Variants in RELL1 observed in about 807,000 individuals in gnomAD.
The protein encoded by RELL1 is RELT-like protein 1.
A neutral mutation model predicts 23.0 loss-of-function variants in RELL1; 10 were observed. The observed-to-expected ratio is 0.43, with a 90% confidence interval of 0.27 to 0.74. RELL1 has a LOEUF of 0.74. Ranked by LOEUF, RELL1 falls within the 30% of genes least tolerant of loss-of-function variation. The pLI is 0.19. For synonymous variants in RELL1, 146 were observed against 146.8 expected (o/e 0.99, Z 0.04); for missense variants, 315 against 364.4 (o/e 0.86, Z 1.10).
intron 6 of RELL1, among the ~76,000 whole-genome samples, chr4:37,593,995 T>A (rs970621338): frequency 1.3e-5 from 2 of 152,216 alleles, no homozygotes; most frequent in Non-Finnish European, 2.9e-5. Flanking sequence ...CATTTATATA[T>A]GTATATAATT....
At chr4:37,680,139 A>C (rs1262050118) in intron 1 of RELL1, among the ~76,000 whole-genome samples, 1 of 152,240 alleles carries the variant, frequency 6.6e-6, no homozygotes, top group African/African-American at 2.4e-5. Context: ...GTTACCAACC[A>C]TGTACAAATT....
At chr4:37,638,593 T>G (rs781128253) in intron 3 of RELL1, 89 bp from the exon 4 acceptor site, 11 of 989,834 alleles carry the variant, frequency 1.1e-5, no homozygotes, top group Non-Finnish European at 1.7e-5. Context: ...CACATCTAAT[T>G]CCATTCTTTC....
exon 7 of RELL1, chr4:37,590,848 C>A (rs772385827): frequency 1.2e-6 from 2 of 1,614,184 alleles, no homozygotes; most frequent in East Asian, 2.2e-5. Flanking sequence ...TCATGCCATG[C>A]CTGTGGTTGA....
In RELL1 at chr4:37,612,373, C is replaced by T. The variant is rs530631214; in HGVS notation, c.*973G>A. On this transcript the variant is annotated 3_prime_UTR_variant, in exon 7 of 7. Coordinates refer to ENST00000454158, the MANE Select transcript of RELL1 (RefSeq NM_001085400.2). ...ACAAAAAACCGGGTGCAGTGGCCCA[C>T]GCCTATATTCCCAGCACTTTGGGAG... is the stretch of plus-strand genomic sequence containing the variant. Among the ~76,000 whole-genome samples the T allele has an allele frequency of 1.9e-4, 29 of 148,908 alleles. No homozygotes were observed. Among genetic ancestry groups the T allele is most frequent in the African/African-American group, 6.4e-4 (26 of 40,444 alleles).
chr4:37,660,753 C>A (rs752942399), intron 1 of RELL1, among the ~76,000 whole-genome samples: 2 of 152,100 alleles, frequency 1.3e-5, no homozygotes, highest in East Asian at 1.9e-4. Context: ...GTTAAGAGGC[C>A]GGGCGCGGTG....
chr4:37,590,344 G>C, downstream of RELL1: 1 of 1,613,696 alleles, frequency 6.2e-7, no homozygotes, highest in Non-Finnish European at 8.5e-7. Context: ...CCATGCCTGC[G>C]GTGTCAACGG....
At chr4:37,669,591 G>A (rs1158649822) in intron 1 of RELL1, among the ~76,000 whole-genome samples, 3 of 152,284 alleles carry the variant, frequency 2.0e-5, no homozygotes, top group South Asian at 2.1e-4. Flanking sequence ...GGAATAGAAA[G>A]GGGGGAAAGG....
chr4:37,628,270 A>G (rs1720017515), intron 6 of RELL1, among the ~76,000 whole-genome samples: 1 of 152,170 alleles, frequency 6.6e-6, no homozygotes, highest in African/African-American at 2.4e-5. Flanking sequence ...CCCAGGTTCA[A>G]GTCTAACTCT....
chr4:37,605,827 GAAAGAAAGAAAGAAAGAAGGA>G (rs1282860670), downstream of RELL1, among the ~76,000 whole-genome samples: 26 of 109,870 alleles, frequency 2.4e-4, 1 homozygote, highest in Non-Finnish European at 4.8e-4. Context: ...AAGAAAGAAA[GAAAGAAAGAAAGAAAGAAGGA>G]AAAGAAAAGA....
chr4:37,619,817 C>T (rs1348604836), intron 6 of RELL1, among the ~76,000 whole-genome samples: 1 of 152,048 alleles, frequency 6.6e-6, no homozygotes, highest in African/African-American at 2.4e-5. Context: ...GCCATCCTCC[C>T]ACCTCAGCCT....
chr4:37,640,155 C>T (rs1016673948), intron 3 of RELL1, among the ~76,000 whole-genome samples: 4 of 152,090 alleles, frequency 2.6e-5, no homozygotes, highest in African/African-American at 9.7e-5. Flanking sequence ...TGGGTTTTTG[C>T]TTTTTTCTTT....
At chr4:37,660,911 G>C (rs1307743106) in intron 1 of RELL1, among the ~76,000 whole-genome samples, 1 of 151,956 alleles carries the variant, frequency 6.6e-6, no homozygotes, top group East Asian at 2.0e-4. Flanking sequence ...GGCGCCTGTT[G>C]TCCCAGCTAC....
chr4:37,677,921 G>A lies in RELL1; in HGVS notation c.88+8279C>T, dbSNP rs141068561. 1.1e-3 allele frequency among the ~76,000 whole-genome samples: 174 copies of A among 151,822 alleles called. 2 individuals are homozygous for A. The East Asian group carries it at 0.026, about 23-fold the overall frequency. ...CAGGAGGCAGAGGTTGCAGTGAGCC[G>A]AGATCACACCATTGCACTCCAGCAG... On this transcript the variant is annotated intron_variant, in intron 1 of 6. Transcript: ENST00000454158.
At chr4:37,610,410 AG>A (rs1380335235), downstream of RELL1, among the ~76,000 whole-genome samples, 1 of 152,178 alleles carries the variant, frequency 6.6e-6, no homozygotes, top group Non-Finnish European at 1.5e-5. The surrounding 1 kb of genome is among the most constrained non-coding windows in gnomAD (Gnocchi z 4.1). Context: ...TTACTGCAGT[AG>A]GCCGGGGCTG....
chr4:37,621,013 C>G (rs893115950), intron 6 of RELL1, among the ~76,000 whole-genome samples: 21 of 152,192 alleles, frequency 1.4e-4, no homozygotes, highest in African/African-American at 5.1e-4. Context: ...TAAAAAGTGA[C>G]AGCCAAGATC....
At chr4:37,632,017 T>G (rs897069136) in intron 5 of RELL1, among the ~76,000 whole-genome samples, 4 of 128,766 alleles carry the variant, frequency 3.1e-5, no homozygotes, top group Non-Finnish European at 6.2e-5. Context: ...AGCTGGAGGT[T>G]GCAGTGAGCC....
At chr4:37,598,840 AT>A in intron 6 of RELL1, among the ~76,000 whole-genome samples, 2 of 152,076 alleles carry the variant, frequency 1.3e-5, no homozygotes, top group African/African-American at 4.8e-5. Flanking sequence ...GTGCACCACC[AT>A]GCCCAGCTAG....
At chr4:37,680,724 C>T (rs921903324) in intron 1 of RELL1, among the ~76,000 whole-genome samples, 20 of 151,876 alleles carry the variant, frequency 1.3e-4, no homozygotes, top group African/African-American at 4.6e-4. Context: ...GTCAGAAGAT[C>T]GAGACCATCC....
At position 37,634,913 on chromosome 4, in the gene RELL1, G is replaced by A. The variant is rs139390358; in HGVS notation, c.654C>T (p.Gly218=). The change falls in exon 5 of 7, where the codon GGC becomes GGT. Residue 218 remains glycine, a synonymous_variant. Coordinates refer to ENST00000454158, the MANE Select transcript of RELL1 (RefSeq NM_001085400.2). ...TGCCAACAGAAAGGACCGTGACCTC[G>A]CCTTGGCGCCGTGGTCTGCTCTCTC... The part of the protein sequence containing the change: ...KSRESRPRRQ[G]EVTVLSVGRF... 2.8e-5 allele frequency: 45 copies of A among 1,614,248 alleles called. No individual in the cohort carries two copies. The highest frequency in any genetic ancestry group is 1.5e-4 in the Admixed American group (9 of 60,034).
Sources: gnomAD v4.1 joint callset for allele counts (sites outside exome capture counted in the v4.1 genomes callset) on GRCh38, gnomAD v4.1.1 for gene constraint, Gnocchi (gnomAD v3.1) non-coding constraint, MANE v1.5 for transcripts, NCBI Gene and HGNC (gene_info 2026-07-23, HGNC 2026-07-21) for gene names.